CSMD1: variants seen among roughly 807,000 people sequenced by gnomAD.
CSMD1 encodes CUB and Sushi multiple domains 1.
CSMD1 carries 213 observed loss-of-function variants against 417.5 expected under a neutral mutation model. The ratio of observed to expected loss-of-function variants is 0.51; its 90% CI spans 0.46 to 0.57. The LOEUF is 0.57. Ranked by LOEUF, CSMD1 falls within the 20% of genes least tolerant of loss-of-function variation. CSMD1 has a pLI of 0.00. For synonymous variants in CSMD1, 2,862 were observed against 1,736.8 expected, an observed-to-expected ratio of 1.65 and a Z score of -16.11; for missense variants, 6,923 against 4,529.7, an observed-to-expected ratio of 1.53 and a Z score of -15.17.
intron 3 of CSMD1, among the ~76,000 whole-genome samples, chr8:4,375,219 T>C (rs1043382399): frequency 2.0e-5 from 3 of 152,200 alleles, no homozygotes; most frequent in African/African-American, 7.2e-5. Context: ...CGGGGATAGA[T>C]AGTTTGGATG....
intron 13 of CSMD1, among the ~76,000 whole-genome samples, chr8:3,408,569 G>C (rs985213930): frequency 1.3e-5 from 2 of 151,258 alleles, no homozygotes; most frequent in South Asian, 2.1e-4. Flanking sequence ...ATATGGAAAA[G>C]TATATTCCTA....
chr8:4,679,105 G>T (rs147156803), intron 1 of CSMD1, among the ~76,000 whole-genome samples: 1 of 152,164 alleles, frequency 6.6e-6, no homozygotes, highest in Non-Finnish European at 1.5e-5. Context: ...GGTCATCTGC[G>T]CAAGTTTCTT....
intron 55 of CSMD1, among the ~76,000 whole-genome samples, chr8:2,975,560 G>A (rs1174650630): frequency 1.3e-5 from 2 of 152,144 alleles, no homozygotes; most frequent in African/African-American, 4.8e-5. Context: ...GTCACTTTCT[G>A]TCTTACATGG....
intron 3 of CSMD1, among the ~76,000 whole-genome samples, chr8:4,308,348 G>A (rs541293813): frequency 6.0e-4 from 91 of 152,114 alleles, no homozygotes; most frequent in Admixed American, 1.4e-3. Flanking sequence ...TTTGTGGTGC[G>A]TGTGCACTGT....
At chr8:3,435,018 G>C (rs1814457255) in intron 12 of CSMD1, among the ~76,000 whole-genome samples, 1 of 149,256 alleles carries the variant, frequency 6.7e-6, no homozygotes, top group African/African-American at 2.4e-5. Flanking sequence ...GCTGGTAGCA[G>C]ACAGGACTGG....
At chr8:4,551,426 G>C (rs999836904) in intron 2 of CSMD1, among the ~76,000 whole-genome samples, 12 of 152,024 alleles carry the variant, frequency 7.9e-5, no homozygotes, top group Non-Finnish European at 1.8e-4. Flanking sequence ...CCTTTCTTTT[G>C]TTTTCACTTA....
chr8:4,406,688 C>G (rs59784655), intron 3 of CSMD1, among the ~76,000 whole-genome samples: 1 of 152,062 alleles, frequency 6.6e-6, no homozygotes, highest in Non-Finnish European at 1.5e-5. Flanking sequence ...AAAAACTACA[C>G]AAAGAAAACT....
chr8:3,579,480 C>G (rs191713841), intron 9 of CSMD1, among the ~76,000 whole-genome samples: 10 of 152,100 alleles, frequency 6.6e-5, no homozygotes, highest in African/African-American at 2.2e-4. Flanking sequence ...TTTCAGGAGT[C>G]GCATTAGAAG....
intron 3 of CSMD1, among the ~76,000 whole-genome samples, chr8:4,184,957 G>C (rs992450503): frequency 1.3e-5 from 2 of 151,918 alleles, no homozygotes; most frequent in Admixed American, 6.6e-5. Flanking sequence ...CCCCAATGTG[G>C]TGAAACCCCA....
intron 1 of CSMD1, among the ~76,000 whole-genome samples, chr8:4,798,080 G>C (rs1036640090): frequency 6.6e-6 from 1 of 152,198 alleles, no homozygotes; most frequent in African/African-American, 2.4e-5. Context: ...TCTTAAGTAT[G>C]TGTAAATGTG....
intron 1 of CSMD1, among the ~76,000 whole-genome samples, chr8:4,939,971 G>A (rs897564763): frequency 2.0e-5 from 3 of 152,120 alleles, no homozygotes; most frequent in South Asian, 2.1e-4. Flanking sequence ...GGGAAAACTT[G>A]AAAAATCTTC....
intron 2 of CSMD1, among the ~76,000 whole-genome samples, chr8:4,451,023 A>G (rs971900118): frequency 1.5e-4 from 5 of 32,662 alleles, no homozygotes; most frequent in African/African-American, 1.3e-3. Context: ...AACGTGGGGA[A>G]AAAAAAAATG....
At chr8:4,863,535 A>G (rs568994464) in intron 1 of CSMD1, among the ~76,000 whole-genome samples, 1 of 152,160 alleles carries the variant, frequency 6.6e-6, no homozygotes, top group Non-Finnish European at 1.5e-5. Context: ...ACTCATTCCT[A>G]TTGGTATCCC....
At chr8:3,283,199 C>A (rs910760647) in intron 26 of CSMD1, among the ~76,000 whole-genome samples, 2 of 152,086 alleles carry the variant, frequency 1.3e-5, no homozygotes, top group African/African-American at 4.8e-5. Flanking sequence ...AAAAAATTCA[C>A]GGACCGTCCT....
chr8:3,115,621 T>C (rs1267327932), intron 42 of CSMD1, among the ~76,000 whole-genome samples: 1 of 152,222 alleles, frequency 6.6e-6, no homozygotes, highest in Non-Finnish European at 1.5e-5. Flanking sequence ...TTCATTTGTT[T>C]ACTTTCATAG....
At chr8:3,280,126 C>T (rs1228291129) in intron 26 of CSMD1, among the ~76,000 whole-genome samples, 1 of 152,102 alleles carries the variant, frequency 6.6e-6, no homozygotes, top group East Asian at 1.9e-4. Context: ...GCCCTCCTGC[C>T]CCATCTCTTC....
chr8:3,806,762 G>T (rs533283279), intron 5 of CSMD1, among the ~76,000 whole-genome samples: 3 of 152,134 alleles, frequency 2.0e-5, no homozygotes, highest in African/African-American at 7.2e-5. Context: ...GACAAGTAAT[G>T]CAAAATGTTA....
intron 3 of CSMD1, among the ~76,000 whole-genome samples, chr8:4,291,007 A>G (rs1216735703): frequency 6.6e-6 from 1 of 152,172 alleles, no homozygotes; most frequent in South Asian, 2.1e-4. Flanking sequence ...ATGTATATGT[A>G]ATGATGTCAA....
intron 11 of CSMD1, among the ~76,000 whole-genome samples, chr8:3,469,539 C>T (rs2117190656): frequency 6.6e-6 from 1 of 152,250 alleles, no homozygotes; most frequent in South Asian, 2.1e-4. Flanking sequence ...TGAAAAGAAA[C>T]ACTAAATCCA....
Sources: allele counts gnomAD v4.1 joint callset (sites outside exome capture counted in the v4.1 genomes callset), GRCh38; gene constraint gnomAD v4.1.1; transcripts MANE v1.5; gene names NCBI Gene and HGNC (gene_info 2026-07-23, HGNC 2026-07-21).